Variants in IL1RAPL1 observed in about 807,000 individuals in gnomAD.
IL1RAPL1 encodes the protein interleukin 1 receptor accessory protein like 1.
IL1RAPL1 carries 3 observed loss-of-function variants against 48.4 expected under a neutral mutation model. The ratio of observed to expected loss-of-function variants is 0.06; its 90% CI spans 0.03 to 0.16. The LOEUF is 0.16. Ranked by LOEUF, IL1RAPL1 falls within the 10% of genes least tolerant of loss-of-function variation. The pLI is 1.00. For missense variants in IL1RAPL1, 349 were observed against 530.6 expected (o/e 0.66, Z 3.36); for synonymous variants, 185 against 187.7 (o/e 0.99, Z 0.12).
chrX:29,184,539 C>T (rs1569254731), intron 2 of IL1RAPL1, among the ~76,000 whole-genome samples: 2 of 111,184 alleles, frequency 1.8e-5, no homozygotes, highest in Non-Finnish European at 1.9e-5. Flanking sequence ...CTATCTCTGT[C>T]GCCCAGGCTG....
At chrX:28,724,333 C>G (rs2146942180) in intron 1 of IL1RAPL1, among the ~76,000 whole-genome samples, 1 of 111,701 alleles carries the variant, frequency 9.0e-6, no homozygotes, top group East Asian at 2.8e-4. Flanking sequence ...GAATTGATCC[C>G]TTTACCATTA....
chrX:29,955,059 T>C lies in IL1RAPL1; in HGVS notation c.1373-43T>C, dbSNP rs1933392643. On this transcript the variant is annotated intron_variant, in intron 10 of 10. Coordinates refer to ENST00000378993, the MANE Select transcript of IL1RAPL1 (RefSeq NM_014271.4). ...ATCTACTAGGACTTTCTGGACCAAA[T>C]TTTCCATTCACTCATTTTGATGCAC... The C allele has an allele frequency of 6.4e-6, 7 of 1,098,715 alleles. No individual in the cohort carries two copies. The Admixed American group carries it at 1.5e-4, about 24-fold the overall frequency. 90.5% of individuals were successfully genotyped at this position (1,098,715 alleles called of 1,213,427 possible).
chrX:28,747,515 C>A (rs1423441811), intron 1 of IL1RAPL1, among the ~76,000 whole-genome samples: 3 of 110,778 alleles, frequency 2.7e-5, no homozygotes, highest in African/African-American at 9.9e-5. Context: ...GTGGCGCACA[C>A]CTGTAATCCC....
chrX:29,306,961 C>A (rs1323266765), intron 3 of IL1RAPL1, among the ~76,000 whole-genome samples: 1 of 110,344 alleles, frequency 9.1e-6, no homozygotes, highest in Non-Finnish European at 1.9e-5. Context: ...TCAAGCTTTC[C>A]AGATAATATT....
intron 2 of IL1RAPL1, among the ~76,000 whole-genome samples, chrX:28,910,590 A>T (rs999504029): frequency 9.1e-6 from 1 of 109,527 alleles, no homozygotes; most frequent in Admixed American, 9.8e-5. Flanking sequence ...GTTAAAAAAA[A>T]AAAACGTTTT....
intron 2 of IL1RAPL1, among the ~76,000 whole-genome samples, chrX:28,857,999 CAGG>C (rs1164322776): frequency 8.9e-6 from 1 of 111,747 alleles, no homozygotes; most frequent in African/African-American, 3.2e-5. Context: ...TCCACATTAT[CAGG>C]AGTTTGGAAG....
chrX:28,758,863 C>T (rs1180648236), intron 1 of IL1RAPL1, among the ~76,000 whole-genome samples: 2 of 111,696 alleles, frequency 1.8e-5, no homozygotes, highest in African/African-American at 6.5e-5. Context: ...TTCCAAATTC[C>T]CTTTTTCTGT....
intron 3 of IL1RAPL1, among the ~76,000 whole-genome samples, chrX:29,296,786 G>C (rs1054807623): frequency 2.7e-5 from 3 of 110,950 alleles, no homozygotes; most frequent in Admixed American, 9.6e-5. Context: ...TCCTTGCCCT[G>C]GAAATAATAG....
At chrX:28,713,012 T>A (rs773482818) in intron 1 of IL1RAPL1, among the ~76,000 whole-genome samples, 2 of 111,676 alleles carry the variant, frequency 1.8e-5, no homozygotes, top group East Asian at 5.6e-4. Context: ...AAAAAATTTC[T>A]TGTTCTATAA....
chrX:29,555,544 G>T (rs770125514), intron 5 of IL1RAPL1, among the ~76,000 whole-genome samples: 1 of 111,876 alleles, frequency 8.9e-6, no homozygotes, highest in African/African-American at 3.2e-5. Context: ...TGAAGAGATG[G>T]CTAGCCATTT....
chrX:29,904,121 C>CTT (rs1932558249), intron 6 of IL1RAPL1, among the ~76,000 whole-genome samples: 1 of 111,854 alleles, frequency 8.9e-6, no homozygotes, highest in Non-Finnish European at 1.9e-5. Context: ...GCTAAGCAGT[C>CTT]TTAGCTCTAT....
At chrX:28,893,916 C>T (rs1002916930) in intron 2 of IL1RAPL1, among the ~76,000 whole-genome samples, 15 of 110,760 alleles carry the variant, frequency 1.4e-4, no homozygotes, top group Non-Finnish European at 2.5e-4. Context: ...TGGGAGTGAC[C>T]GATGTGAAGG....
intron 6 of IL1RAPL1, among the ~76,000 whole-genome samples, chrX:29,854,354 A>G (rs5971864): frequency 0.036 from 4,007 of 112,072 alleles, 166 homozygotes; most frequent in African/African-American, 0.12. Flanking sequence ...GGTGAATTTA[A>G]CTTACGGAGA....
At chrX:29,337,341 A>G (rs1464395744) in intron 3 of IL1RAPL1, among the ~76,000 whole-genome samples, 1 of 112,170 alleles carries the variant, frequency 8.9e-6, no homozygotes. Flanking sequence ...GGACTATTTT[A>G]TCTTAAAGCA....
chrX:29,648,024 CTT>C (rs1925390233), intron 5 of IL1RAPL1, among the ~76,000 whole-genome samples: 1 of 111,425 alleles, frequency 9.0e-6, no homozygotes, highest in Admixed American at 9.5e-5. Context: ...ATAAAATAGA[CTT>C]TAAGTCAAAA....
chrX:28,828,889 C>A (rs1920989948), intron 2 of IL1RAPL1, among the ~76,000 whole-genome samples: 1 of 111,454 alleles, frequency 9.0e-6, no homozygotes, highest in Admixed American at 9.6e-5. Context: ...CAAAGCGATG[C>A]TGAGATGTTG....
chrX:29,471,259 A>G (rs887868978), intron 5 of IL1RAPL1, among the ~76,000 whole-genome samples: 1 of 111,410 alleles, frequency 9.0e-6, no homozygotes, highest in African/African-American at 3.3e-5. Flanking sequence ...GTAAATGGCT[A>G]AATTCTAGTG....
intron 2 of IL1RAPL1, among the ~76,000 whole-genome samples, chrX:29,087,387 C>A (rs750764699): frequency 2.0e-3 from 224 of 110,460 alleles, no homozygotes; most frequent in African/African-American, 7.0e-3. Flanking sequence ...CTGCCCGCCT[C>A]GGCCTCCCAA....
chrX:28,968,747 A>T (rs1222097839), intron 2 of IL1RAPL1, among the ~76,000 whole-genome samples: 1 of 112,947 alleles, frequency 8.9e-6, no homozygotes, highest in Admixed American at 9.3e-5. Context: ...ATGCAAATTT[A>T]TGTGTATACT....
Sources: allele counts gnomAD v4.1 joint callset (sites outside exome capture counted in the v4.1 genomes callset), GRCh38; gene constraint gnomAD v4.1.1; transcripts MANE v1.5; gene names NCBI Gene and HGNC (gene_info 2026-07-23, HGNC 2026-07-21).